Variants in CEMIP observed in about 807,000 individuals in gnomAD.
CEMIP encodes the protein cell migration inducing hyaluronidase 1, also known as cell migration-inducing and hyaluronan-binding protein.
A neutral mutation model predicts 156.9 loss-of-function variants in CEMIP; 105 were observed. That is an observed-to-expected ratio of 0.67 (90% CI 0.57 to 0.79). The LOEUF is 0.79. Among genes scored for constraint, CEMIP ranks in the 30% least tolerant of loss-of-function variants. The pLI is 0.00. For synonymous variants in CEMIP, 676 were observed against 668.4 expected (o/e 1.01, Z -0.17); for missense variants, 1,457 against 1,769.4 (o/e 0.82, Z 3.17).
chr15:80,877,261 T>A (rs1489299666), intron 3 of CEMIP, among the ~76,000 whole-genome samples: 3 of 152,224 alleles, frequency 2.0e-5, no homozygotes, highest in Admixed American at 6.5e-5. Flanking sequence ...GAAGCCAGAA[T>A]CCCTCCCAGG....
intron 1 of CEMIP, among the ~76,000 whole-genome samples, chr15:80,848,900 G>GCACACACACACACACACACACA (rs3221932): frequency 0.011 from 1,515 of 134,608 alleles, 18 homozygotes; most frequent in Middle Eastern, 0.016. Flanking sequence ...GTGTGCGCGT[G>GCACACACACACACACACACACA]CACACACACA....
chr15:80,785,956 C>T lies in CEMIP; in HGVS notation c.-176+6342C>T, dbSNP rs140925256. 6.7e-3 allele frequency among the ~76,000 whole-genome samples: 1,016 copies of T among 152,264 alleles called. 13 individuals are homozygous for T. The highest frequency in any genetic ancestry group is 0.023 in the African/African-American group (964 of 41,540). On this transcript the variant is annotated intron_variant, in intron 1 of 29. Coordinates refer to ENST00000394685, the MANE Select transcript of CEMIP (RefSeq NM_001293298.2). Reference sequence around the variant, plus strand: ...TGTTAGGCCTCTTTCCTTTAGGAGACCTTTAGTCTTCTAGACTAGTAATTT... The same window carrying T: ...TGTTAGGCCTCTTTCCTTTAGGAGATCTTTAGTCTTCTAGACTAGTAATTT...
At position 80,937,819 on chromosome 15, in the gene CEMIP, T is replaced by C. The variant is rs1157901698; in HGVS notation, c.3247T>C (p.Cys1083Arg). Residue 1083 changes from cysteine (C) to arginine (R), a missense_variant, in exon 25 of 30, where the codon TGC becomes CGC. By Grantham distance (180) the Cys-to-Arg change is radical. Transcript: ENST00000394685. ...NKGDWIRVGL[C>R]YPRGTTFSIL... ...GGGCGACTGGATCCGAGTGGGGCTC[T>C]GCTACCCGCGAGGCACCACATTCTC... 8.1e-6 allele frequency: 13 copies of C among 1,614,268 alleles called. No homozygotes were observed. The highest frequency in any genetic ancestry group is 1.1e-5 in the Non-Finnish European group (13 of 1,180,046).
chr15:80,809,343 T>C (rs781242308), intron 1 of CEMIP, among the ~76,000 whole-genome samples: 1 of 152,230 alleles, frequency 6.6e-6, no homozygotes, highest in Non-Finnish European at 1.5e-5. Flanking sequence ...CAAAAGAATG[T>C]TTATTTATAT....
At chr15:80,936,935 C>G (rs780825663) in intron 24 of CEMIP, 50 bp downstream of exon 24, 25 of 1,561,134 alleles carry the variant, frequency 1.6e-5, no homozygotes, top group Non-Finnish European at 2.2e-5. Context: ...GATAACGATG[C>G]CTTGTTGCAA....
intron 16 of CEMIP, 80 bp downstream of exon 16, chr15:80,921,181 AC>A (rs1045578549): frequency 1.1e-4 from 138 of 1,284,340 alleles, no homozygotes; most frequent in Non-Finnish European, 1.5e-4. Flanking sequence ...TTACCTTGAA[AC>A]ATGTGTGCTC....
chr15:80,922,096 CT>C lies in CEMIP; in HGVS notation c.2162del (p.Leu721ArgfsTer17), dbSNP rs751309850. The part of the protein sequence containing the change: ...YSPGYSEHIP[L>X]GKFYNNRAHS... Reference sequence around the variant, plus strand: ...CCCAGGTTATTCAGAGCACATTCCACTGGGAAAATTCTATAACAACCGAGCA... The same window carrying C: ...CCCAGGTTATTCAGAGCACATTCCACGGGAAAATTCTATAACAACCGAGCA... On this transcript the variant is annotated frameshift_variant, in exon 17 of 30. Coordinates refer to ENST00000394685, the MANE Select transcript of CEMIP (RefSeq NM_001293298.2). LOFTEE classifies it high-confidence loss of function. The C allele has an allele frequency of 1.2e-6, 2 of 1,614,124 alleles. No individual in the cohort carries two copies. The highest frequency in any genetic ancestry group is 1.7e-6 in the Non-Finnish European group (2 of 1,180,026).
chr15:80,949,116 C>G lies in CEMIP; in HGVS notation c.*192C>G, dbSNP rs1901702245. 1.4e-6 allele frequency: 1 copy of G among 715,212 alleles called. No individual in the cohort carries two copies. Among genetic ancestry groups the G allele is most frequent in the East Asian group, 2.7e-5 (1 of 36,856 alleles). The allele number at this position is 715,212 out of a possible 1,614,324, so 44.3% of individuals were successfully genotyped here. On this transcript the variant is annotated 3_prime_UTR_variant, in exon 30 of 30. Coordinates refer to ENST00000394685, the MANE Select transcript of CEMIP (RefSeq NM_001293298.2). The stretch of plus-strand genomic sequence containing the variant: ...CCACCTGCCCCTACTCAAGTGTCTA[C>G]CTGGAGCCCCTGGGGCGGTGCTGGC...
rs2141609694 is a variant in CEMIP at position 80,804,144 on chromosome 15, T to C, written c.-176+24530T>C. Among the ~76,000 whole-genome samples, 3 of 152,312 alleles carry C rather than the reference T, an allele frequency of 2.0e-5. No individual in the cohort carries two copies. In the South Asian group the frequency reaches 6.2e-4, roughly 32 times the overall value. ...GAAAGACCTGCCCCCATGATTCAGT[T>C]ACCTCCCACCAGGTCCCTTTCACAA... On this transcript the variant is annotated intron_variant, in intron 1 of 29. Transcript: ENST00000394685.
At chr15:80,805,282 C>T (rs1896487202) in intron 1 of CEMIP, among the ~76,000 whole-genome samples, 1 of 152,208 alleles carries the variant, frequency 6.6e-6, no homozygotes, top group Non-Finnish European at 1.5e-5. Context: ...AAAAGGAATA[C>T]ACAGAAGAAG....
chr15:80,873,796 T>C (rs1443521097), intron 2 of CEMIP, 68 bp from the exon 3 acceptor site: 2 of 1,113,724 alleles, frequency 1.8e-6, no homozygotes, highest in Non-Finnish European at 2.6e-6. Flanking sequence ...TTTATCTCCA[T>C]GTCGGCCCTG....
chr15:80,790,221 C>G (rs758404060), intron 1 of CEMIP, among the ~76,000 whole-genome samples: 1 of 152,174 alleles, frequency 6.6e-6, no homozygotes, highest in African/African-American at 2.4e-5. Context: ...AGTAGGTGCT[C>G]AAATATTTTT....
At chr15:80,930,384 C>A (rs1055249869) in intron 21 of CEMIP, among the ~76,000 whole-genome samples, 3 of 152,196 alleles carry the variant, frequency 2.0e-5, no homozygotes, top group African/African-American at 7.2e-5. Context: ...CTGATGACTT[C>A]CAAAGGTGAT....
Position 80,884,068 on chromosome 15 carries a change from G to T in CEMIP, c.618-107G>T, listed in dbSNP as rs140955108. ...TCCTTCTTTAAGAATCACAGCCCTG[G>T]GATCATCGGATAGCATGTTAGCTGT... On this transcript the variant is annotated intron_variant, in intron 6 of 29. Coordinates refer to ENST00000394685, the MANE Select transcript of CEMIP (RefSeq NM_001293298.2). 115 of 1,098,980 alleles carry T rather than the reference G, an allele frequency of 1.0e-4. No individual in the cohort carries two copies. In the East Asian group the frequency reaches 2.4e-3, roughly 23 times the overall value. The allele number at this position is 1,098,980 out of a possible 1,614,324, so 68.1% of individuals were successfully genotyped here. A position where few individuals can be genotyped will look rare whatever the true frequency, so the allele number is the denominator to read the frequency against.
At chr15:80,807,452 T>A (rs952078068) in intron 1 of CEMIP, among the ~76,000 whole-genome samples, 3 of 152,210 alleles carry the variant, frequency 2.0e-5, no homozygotes, top group Admixed American at 1.3e-4. Context: ...CTCAAACCAC[T>A]GGCCTCAAAT....
At chr15:80,863,869 G>A (rs1347706095) in intron 1 of CEMIP, among the ~76,000 whole-genome samples, 1 of 152,138 alleles carries the variant, frequency 6.6e-6, no homozygotes, top group Non-Finnish European at 1.5e-5. Context: ...AAGGGTGGGA[G>A]TTTAATACTG....
At position 80,942,300 on chromosome 15, in the gene CEMIP, ACTT is replaced by A; in HGVS notation, c.3667_3669del (p.Phe1223del). 6.2e-7 allele frequency: 1 copy of A among 1,614,158 alleles called. No individual in the cohort carries two copies. The highest frequency in any genetic ancestry group is 8.5e-7 in the Non-Finnish European group (1 of 1,180,012). ...GTGAAGATGGAGAGTTCCAAGCAGC[ACTT>A]CTTCCACCTCTGGAACGACTTCGCT... On this transcript the variant is annotated inframe_deletion, in exon 27 of 30. Coordinates refer to ENST00000394685, the MANE Select transcript of CEMIP (RefSeq NM_001293298.2).
chr15:80,854,247 C>A (rs1596135707), intron 1 of CEMIP, among the ~76,000 whole-genome samples: 1 of 152,258 alleles, frequency 6.6e-6, no homozygotes, highest in African/African-American at 2.4e-5. Context: ...TAGAGCTGAA[C>A]CTAGGCCAGC....
At chr15:80,926,828 GGGGT>G in intron 19 of CEMIP, among the ~76,000 whole-genome samples, 1 of 120,924 alleles carries the variant, frequency 8.3e-6, no homozygotes, top group African/African-American at 3.5e-5. Context: ...GTGGGGGGGG[GGGGT>G]CTTCTTTTTT....
Sources: gnomAD v4.1 joint callset for allele counts (sites outside exome capture counted in the v4.1 genomes callset) on GRCh38, gnomAD v4.1.1 for gene constraint, MANE v1.5 for transcripts, NCBI Gene and HGNC (gene_info 2026-07-23, HGNC 2026-07-21) for gene names.